RXFP1: variants seen among roughly 807,000 people sequenced by gnomAD.
The protein encoded by RXFP1 is relaxin receptor 1.
RXFP1 carries 73 observed loss-of-function variants against 89.8 expected under a neutral mutation model. The observed-to-expected ratio is 0.81, with a 90% CI of 0.67 to 0.99. The LOEUF (loss-of-function observed/expected upper bound fraction) is 0.99. RXFP1 is among the 50% of genes least tolerant of loss of function. The probability of loss-of-function intolerance (pLI) is 0.00; values close to 1 mark genes in which losing one functional copy is unlikely to be tolerated. For missense variants in RXFP1, 793 were observed against 895.5 expected (o/e 0.89, Z 1.46); for synonymous variants, 277 against 305.5 (o/e 0.91, Z 0.97).
chr4:158,636,683 G>A lies in RXFP1; in HGVS notation c.972-1325G>A, dbSNP rs543563376. On this transcript the variant is annotated intron_variant, in intron 12 of 17. Transcript: ENST00000307765. ...AGTACAACATGATGTTTTGAAATAT[G>A]TATACATTGTGGAATGCCTAAATTG... is the stretch of plus-strand genomic sequence containing the variant. Among the ~76,000 whole-genome samples, 46 of 152,266 alleles carry A rather than the reference G, an allele frequency of 3.0e-4. No individual in the cohort carries two copies. The South Asian group carries it at 9.3e-3, about 31-fold the overall frequency.
chr4:158,608,325 T>C (rs1354433757), intron 6 of RXFP1, among the ~76,000 whole-genome samples: 2 of 140,514 alleles, frequency 1.4e-5, no homozygotes, highest in African/African-American at 2.7e-5. Context: ...AGTCTCTCTG[T>C]CACCCAGACT....
At chr4:158,527,562 A>ATATATATATATATATATATATAT (rs1553989390) in intron 1 of RXFP1, among the ~76,000 whole-genome samples, 2 of 6,896 alleles carry the variant, frequency 2.9e-4, no homozygotes, top group African/African-American at 3.2e-4. Flanking sequence ...CAAAAAAAAA[A>ATATATATATATATATATATATAT]AAATATATAT....
At chr4:158,556,883 G>A (rs1212653522) in intron 1 of RXFP1, among the ~76,000 whole-genome samples, 2 of 152,262 alleles carry the variant, frequency 1.3e-5, no homozygotes, top group Admixed American at 6.5e-5. Flanking sequence ...TTAAAAAGGT[G>A]ATACCATAAT....
In RXFP1 at chr4:158,599,326, TG is replaced by T. The variant is rs1561097240; in HGVS notation, c.289del (p.Val97SerfsTer32). 2 of 1,613,912 alleles carry T rather than the reference TG, an allele frequency of 1.2e-6. No homozygotes were observed. Among genetic ancestry groups the T allele is most frequent in the South Asian group, 2.2e-5 (2 of 91,052 alleles). ...GCCTTACCACTTCCCCTTGATTCAG[TG>T]GTCGGTTCTGTGCCAGTGCAATGTC... Reference protein sequence around the residue: ...YPFEAETPECLVGSVPVQCLC... With the variant: ...YPFEAETPECXVGSVPVQCLC... On this transcript the variant is annotated frameshift_variant and splice_region_variant, in exon 4 of 18. Transcript: ENST00000307765. LOFTEE classifies it high-confidence loss of function.
intron 1 of RXFP1, among the ~76,000 whole-genome samples, chr4:158,545,818 T>C (rs1252261405): frequency 6.6e-6 from 1 of 152,216 alleles, no homozygotes; most frequent in Non-Finnish European, 1.5e-5. Flanking sequence ...TATCTCTGTT[T>C]TGGTACCAGT....
intron 2 of RXFP1, among the ~76,000 whole-genome samples, chr4:158,589,580 T>A (rs1295793920): frequency 2.0e-5 from 3 of 152,248 alleles, no homozygotes; most frequent in Admixed American, 6.5e-5. Context: ...AAGTAACTCA[T>A]GTGTCTTCAA....
intron 8 of RXFP1, among the ~76,000 whole-genome samples, chr4:158,615,793 T>C (rs1372444031): frequency 6.6e-6 from 1 of 150,686 alleles, no homozygotes; most frequent in Admixed American, 6.6e-5. Flanking sequence ...AAAAAAAAAA[T>C]TGTTTTTAGT....
chr4:158,623,363 G>A (rs1455327367), intron 9 of RXFP1, among the ~76,000 whole-genome samples: 3 of 137,164 alleles, frequency 2.2e-5, no homozygotes, highest in East Asian at 2.0e-4. Context: ...AAAAAAATTA[G>A]CCAAGCATGG....
At chr4:158,591,937 A>C (rs1448631966) in intron 2 of RXFP1, among the ~76,000 whole-genome samples, 2 of 152,144 alleles carry the variant, frequency 1.3e-5, no homozygotes, top group African/African-American at 4.8e-5. Context: ...ACCCCTACCA[A>C]GAGAATGAAG....
intron 1 of RXFP1, among the ~76,000 whole-genome samples, chr4:158,550,229 G>C (rs1406757270): frequency 2.0e-5 from 3 of 152,228 alleles, no homozygotes; most frequent in Non-Finnish European, 4.4e-5. Flanking sequence ...GCGAGACTCC[G>C]TGGGCATAGG....
intron 1 of RXFP1, among the ~76,000 whole-genome samples, chr4:158,536,454 A>G (rs1336526124): frequency 6.6e-6 from 1 of 152,202 alleles, no homozygotes; most frequent in Non-Finnish European, 1.5e-5. Context: ...AGATAACTTC[A>G]ATATCCTTAG....
At chr4:158,628,524 T>C (rs1425109038) in intron 10 of RXFP1, 114 bp from the exon 11 acceptor site, 1 of 440,348 alleles carries the variant, frequency 2.3e-6, no homozygotes, top group Admixed American at 4.3e-5. Context: ...AATGTCTTTA[T>C]GTGAAAAATG....
chr4:158,596,179 TATA>T (rs1290585179), intron 3 of RXFP1, among the ~76,000 whole-genome samples: 46 of 151,884 alleles, frequency 3.0e-4, no homozygotes, highest in Non-Finnish European at 2.9e-5. Flanking sequence ...TAACTGATAA[TATA>T]ATGTTTAAAA....
chr4:158,639,473 A>G (rs1769927807), intron 14 of RXFP1, 142 bp downstream of exon 14: 1 of 610,024 alleles, frequency 1.6e-6, no homozygotes, highest in South Asian at 1.9e-5. Flanking sequence ...AAATGTATAT[A>G]TTGAAATACT....
chr4:158,547,336 G>A (rs944589668), intron 1 of RXFP1, among the ~76,000 whole-genome samples: 2 of 151,774 alleles, frequency 1.3e-5, no homozygotes, highest in African/African-American at 2.4e-5. Context: ...TGATTCTTCT[G>A]TCTTTTCTTC....
intron 1 of RXFP1, among the ~76,000 whole-genome samples, chr4:158,545,224 T>A (rs1464995956): frequency 6.6e-6 from 1 of 151,944 alleles, no homozygotes; most frequent in African/African-American, 2.4e-5. Flanking sequence ...TTTCATGTGT[T>A]TTTTTGGCTG....
intron 1 of RXFP1, among the ~76,000 whole-genome samples, chr4:158,563,497 CA>C (rs2149952817): frequency 2.5e-3 from 1 of 400 alleles, no homozygotes; most frequent in South Asian, 0.036. Flanking sequence ...GAATTCAATG[CA>C]CACACACACA....
At chr4:158,611,997 A>G in intron 6 of RXFP1, 133 bp from the exon 7 acceptor site, 1 of 667,518 alleles carries the variant, frequency 1.5e-6, no homozygotes, top group Non-Finnish European at 2.6e-6. Flanking sequence ...ATTCTTAGAG[A>G]TTCAAAGGCA....
chr4:158,651,244 A>G (rs1039226596), intron 17 of RXFP1, among the ~76,000 whole-genome samples: 1 of 152,216 alleles, frequency 6.6e-6, no homozygotes, highest in Non-Finnish European at 1.5e-5. Flanking sequence ...AGCCAAAGTT[A>G]TTTTTTACAG....
Sources: gnomAD v4.1 joint callset for allele counts (sites outside exome capture counted in the v4.1 genomes callset) on GRCh38, gnomAD v4.1.1 for gene constraint, MANE v1.5 for transcripts, NCBI Gene and HGNC (gene_info 2026-07-23, HGNC 2026-07-21) for gene names.